PDE11A: variants seen among roughly 807,000 people sequenced by gnomAD.
PDE11A encodes dual 3',5'-cyclic-AMP and -GMP phosphodiesterase 11A.
A neutral mutation model predicts 100.5 loss-of-function variants in PDE11A; 100 were observed. The observed-to-expected ratio is 1.00, with a 90% confidence interval of 0.85 to 1.18. The LOEUF is 1.18. Ranked by LOEUF, PDE11A falls within the 50% of genes most tolerant of loss-of-function variation. The pLI is 0.00. For synonymous variants in PDE11A, 381 were observed against 420.8 expected (o/e 0.91, Z 1.16); for missense variants, 1,141 against 1,152.6 (o/e 0.99, Z 0.15).
At chr2:177,850,680 A>T (rs1184314589) in intron 5 of PDE11A, among the ~76,000 whole-genome samples, 3 of 152,206 alleles carry the variant, frequency 2.0e-5, no homozygotes, top group Non-Finnish European at 4.4e-5. Context: ...AACTCAAACA[A>T]ATTTACAAGA....
intron 2 of PDE11A, among the ~76,000 whole-genome samples, chr2:178,089,931 T>TA (rs2087400704): frequency 6.6e-6 from 1 of 152,172 alleles, no homozygotes; most frequent in Admixed American, 6.5e-5. Context: ...GCCCAAGACT[T>TA]AGAGAAGCTA....
At chr2:177,947,076 G>A (rs2085449280) in intron 2 of PDE11A, among the ~76,000 whole-genome samples, 2 of 74,018 alleles carry the variant, frequency 2.7e-5, no homozygotes, top group Admixed American at 2.5e-4. Context: ...CCTCTGCCCG[G>A]CCGCCCCTAC....
At chr2:177,763,819 C>A (rs2082202091) in intron 10 of PDE11A, among the ~76,000 whole-genome samples, 1 of 152,154 alleles carries the variant, frequency 6.6e-6, no homozygotes, top group Non-Finnish European at 1.5e-5. Flanking sequence ...CGGTGGCTAG[C>A]GCGTGTAGTG....
At chr2:177,821,396 A>G (rs966180287) in intron 6 of PDE11A, among the ~76,000 whole-genome samples, 1 of 151,810 alleles carries the variant, frequency 6.6e-6, no homozygotes, top group African/African-American at 2.4e-5. Context: ...AGATCAAGAC[A>G]TAGAATATTA....
intron 19 of PDE11A, among the ~76,000 whole-genome samples, chr2:177,630,742 T>C (rs938260482): frequency 6.6e-6 from 1 of 152,146 alleles, no homozygotes; most frequent in Non-Finnish European, 1.5e-5. Context: ...ACCAGTAAAA[T>C]ATGATCAGCA....
At chr2:177,952,484 A>G (rs1057476642) in intron 2 of PDE11A, among the ~76,000 whole-genome samples, 1 of 152,206 alleles carries the variant, frequency 6.6e-6, no homozygotes, top group Admixed American at 6.5e-5. Flanking sequence ...TTTGGAGTCA[A>G]TTCATCCTAT....
chr2:177,763,235 TA>T lies in PDE11A; in HGVS notation c.1788+6087del, dbSNP rs983925711. Among the ~76,000 whole-genome samples the T allele has an allele frequency of 2.4e-4, 35 of 147,606 alleles. 1 individual carries two copies. The highest frequency in any genetic ancestry group is 6.7e-4 in the African/African-American group (27 of 40,298). On this transcript the variant is annotated intron_variant, in intron 10 of 19. Transcript: ENST00000286063. ...AAGGTTCAATAACTTTCTCTGACGA[TA>T]AAAAAAAAACTCGGATATTAAACTT... is the stretch of plus-strand genomic sequence containing the variant.
At chr2:177,876,519 G>A (rs1310029333) in intron 4 of PDE11A, among the ~76,000 whole-genome samples, 1 of 148,250 alleles carries the variant, frequency 6.7e-6, no homozygotes, top group Non-Finnish European at 1.5e-5. Flanking sequence ...TGTTGAGGGG[G>A]AATTTATGGA....
rs115922918 is a variant in PDE11A at position 178,023,463 on chromosome 2, G to C, written c.913-9003C>G. Among the ~76,000 whole-genome samples, 726 of 152,310 alleles carry C rather than the reference G, an allele frequency of 4.8e-3. 5 individuals carry two copies. Among genetic ancestry groups the C allele is most frequent in the African/African-American group, 0.017 (692 of 41,564 alleles). ...ATCCAGGTCCCACATTCATGGCAAA[G>C]ATGGGTTGCCTAAGATCTCTTTTAT... On this transcript the variant is annotated intron_variant, in intron 1 of 19. Coordinates refer to ENST00000286063, the MANE Select transcript of PDE11A (RefSeq NM_016953.4).
intron 2 of PDE11A, among the ~76,000 whole-genome samples, chr2:177,966,271 T>C: frequency 6.6e-6 from 1 of 152,300 alleles, no homozygotes; most frequent in South Asian, 2.1e-4. Context: ...GAGTATGGGA[T>C]TTTCTAGGTA....
At chr2:177,937,655 T>C (rs937145051) in intron 2 of PDE11A, among the ~76,000 whole-genome samples, 1 of 152,216 alleles carries the variant, frequency 6.6e-6, no homozygotes, top group Non-Finnish European at 1.5e-5. Context: ...TTGTGAAATC[T>C]ACTTTCTAAG....
At chr2:177,720,552 C>A (rs1014320421) in intron 12 of PDE11A, among the ~76,000 whole-genome samples, 1 of 152,126 alleles carries the variant, frequency 6.6e-6, no homozygotes, top group African/African-American at 2.4e-5. Flanking sequence ...AAAGGGGGCA[C>A]CTTAGCCCCA....
In PDE11A at chr2:177,926,817, G is replaced by T. The variant is rs552758391; in HGVS notation, c.1072-21630C>A. ...TGGGGCCTATGTACTTAAAATCCTG[G>T]CTCATTCTGAGGACCCGAAGGCCTG... On this transcript the variant is annotated intron_variant, in intron 2 of 19. Coordinates refer to ENST00000286063, the MANE Select transcript of PDE11A (RefSeq NM_016953.4). 3.9e-5 allele frequency: 6 copies of T among 152,024 alleles called. No individual in the cohort carries two copies. The South Asian group carries it at 1.0e-3, about 26-fold the overall frequency. The allele number at this position is 152,024 out of a possible 1,614,324, so 9.4% of individuals were successfully genotyped here.
intron 5 of PDE11A, among the ~76,000 whole-genome samples, chr2:177,860,798 A>G (rs186647524): frequency 6.6e-6 from 1 of 151,788 alleles, no homozygotes; most frequent in African/African-American, 2.4e-5. Flanking sequence ...AAAAATCAAT[A>G]TATATAATAT....
intron 6 of PDE11A, among the ~76,000 whole-genome samples, chr2:177,837,547 C>T (rs11887774): frequency 2.4e-4 from 36 of 151,410 alleles, no homozygotes; most frequent in African/African-American, 8.5e-4. Flanking sequence ...GATCTCAGCT[C>T]ACTGCAAGCT....
chr2:178,090,822 G>A (rs2087413479), intron 2 of PDE11A, among the ~76,000 whole-genome samples: 1 of 152,154 alleles, frequency 6.6e-6, no homozygotes, highest in African/African-American at 2.4e-5. Flanking sequence ...TTCCTTCAGG[G>A]AGAGAATAAC....
intron 19 of PDE11A, among the ~76,000 whole-genome samples, chr2:177,645,842 T>C: frequency 6.6e-6 from 1 of 152,208 alleles, no homozygotes; most frequent in East Asian, 1.9e-4. Context: ...AAGCTAATTA[T>C]ACTATTAGTA....
At chr2:178,047,840 A>G (rs1559053722) in intron 1 of PDE11A, among the ~76,000 whole-genome samples, 1 of 152,132 alleles carries the variant, frequency 6.6e-6, no homozygotes, top group Non-Finnish European at 1.5e-5. Context: ...ATATATGGAG[A>G]TTCTGAGGGC....
chr2:177,769,417 C>T (rs1475434993), intron 9 of PDE11A, 44 bp from the exon 10 acceptor site: 22 of 1,123,072 alleles, frequency 2.0e-5, no homozygotes, highest in Non-Finnish European at 2.8e-5. Context: ...CTAGACATGA[C>T]TGTATTTTCT....
Sources: gnomAD v4.1 joint callset for allele counts (sites outside exome capture counted in the v4.1 genomes callset) on GRCh38, gnomAD v4.1.1 for gene constraint, MANE v1.5 for transcripts, NCBI Gene and HGNC (gene_info 2026-07-23, HGNC 2026-07-21) for gene names.